LMBRD1: variants seen among roughly 807,000 people sequenced by gnomAD.
LMBRD1 encodes the protein LMBR1 domain containing 1.
A neutral mutation model predicts 74.8 loss-of-function variants in LMBRD1; 64 were observed. The observed-to-expected ratio is 0.86, with a 90% CI of 0.70 to 1.05. The LOEUF (loss-of-function observed/expected upper bound fraction) is 1.05, where lower values mean the gene tolerates loss of function less well. Among genes scored for constraint, LMBRD1 ranks in the 50% least tolerant of loss-of-function variants. The pLI is 0.00. For synonymous variants in LMBRD1, 204 were observed against 216.3 expected (o/e 0.94, Z 0.50); for missense variants, 652 against 645.9 (o/e 1.01, Z -0.10).
chr6:69,718,623 G>A (rs1016126194), intron 8 of LMBRD1, among the ~76,000 whole-genome samples: 2 of 152,058 alleles, frequency 1.3e-5, no homozygotes, highest in African/African-American at 2.4e-5. Context: ...TTCATGTGGC[G>A]GCAGGAAGGA....
At chr6:69,723,745 T>A (rs1766667104) in intron 7 of LMBRD1, among the ~76,000 whole-genome samples, 1 of 151,444 alleles carries the variant, frequency 6.6e-6, no homozygotes, top group African/African-American at 2.4e-5. Flanking sequence ...AATACTGTAA[T>A]GACGCATTTT....
At chr6:69,751,524 G>A (rs912358870) in intron 4 of LMBRD1, among the ~76,000 whole-genome samples, 1 of 152,036 alleles carries the variant, frequency 6.6e-6, no homozygotes, top group African/African-American at 2.4e-5. Flanking sequence ...ACAAGGTTTC[G>A]CCATGTTGGC....
chr6:69,732,733 A>G (rs1766886740), intron 7 of LMBRD1, among the ~76,000 whole-genome samples: 1 of 152,132 alleles, frequency 6.6e-6, no homozygotes, highest in African/African-American at 2.4e-5. Flanking sequence ...AGTTTTATGG[A>G]TAGAGGTATA....
At chr6:69,744,988 G>A (rs557143446) in intron 5 of LMBRD1, among the ~76,000 whole-genome samples, 11 of 151,690 alleles carry the variant, frequency 7.3e-5, no homozygotes, top group East Asian at 3.9e-4. Context: ...GATTACAGGC[G>A]CGCACCACTA....
At position 69,701,585 on chromosome 6, in the gene LMBRD1, T is replaced by G. The variant is rs758289173; in HGVS notation, c.981-40A>C. 1.9e-5 allele frequency: 24 copies of G among 1,241,940 alleles called. No individual in the cohort carries two copies. In the East Asian group the frequency reaches 5.4e-4, roughly 28 times the overall value. The allele number at this position is 1,241,940 out of a possible 1,614,324, so 76.9% of individuals were successfully genotyped here. On this transcript the variant is annotated intron_variant, in intron 10 of 15. Coordinates refer to ENST00000649934, the MANE Select transcript of LMBRD1 (RefSeq NM_018368.4). ...AAAGAATGAAATTTATGTTATACTA[T>G]CAAATTTTCAGCAAATTTAGAAAAA...
At chr6:69,691,147 C>CTTTTT (rs67075550) in intron 14 of LMBRD1, among the ~76,000 whole-genome samples, 1 of 138,524 alleles carries the variant, frequency 7.2e-6, no homozygotes, top group African/African-American at 2.8e-5. Context: ...GCCTCTCTCT[C>CTTTTT]TCTTTTTTTT....
At chr6:69,743,300 G>A (rs191683592) in intron 5 of LMBRD1, among the ~76,000 whole-genome samples, 23 of 152,188 alleles carry the variant, frequency 1.5e-4, no homozygotes, top group African/African-American at 4.6e-4. Context: ...AAAGAAATAC[G>A]TATTAGGATA....
chr6:69,769,473 A>T (rs1765534857), intron 3 of LMBRD1, among the ~76,000 whole-genome samples: 1 of 152,152 alleles, frequency 6.6e-6, no homozygotes, highest in Non-Finnish European at 1.5e-5. Context: ...TTGTCTGCTA[A>T]ATCTAACATC....
rs112709680 is a variant in LMBRD1 at position 69,712,173 on chromosome 6, T to C, written c.915+1472A>G. 3.6e-3 allele frequency among the ~76,000 whole-genome samples: 545 copies of C among 152,246 alleles called. 2 individuals are homozygous for C. Among genetic ancestry groups the C allele is most frequent in the Admixed American group, 7.9e-3 (121 of 15,270 alleles). On this transcript the variant is annotated intron_variant, in intron 9 of 15. Transcript: ENST00000649934. ...CTATTGTATACAAAGGTCTGGTGTT[T>C]GAAATGCTTCCAGATATACAATGAG...
At position 69,790,445 on chromosome 6, in the gene LMBRD1, C is replaced by A; in HGVS notation, c.97G>T (p.Val33Phe). The A allele has an allele frequency of 6.2e-7, 1 of 1,614,022 alleles. No homozygotes were observed. The highest frequency in any genetic ancestry group is 1.7e-5 in the Admixed American group (1 of 60,014). Reference protein sequence around the residue: ...LAILAFCWIYVRKYQSRRESE... With the variant: ...LAILAFCWIYFRKYQSRRESE... ...TCCCGCCGACTTTGGTATTTACGAA[C>A]ATATATCCAGCAGAATGCCAAAATA... The change falls in exon 2 of 16, where the codon GTT becomes TTT. Residue 33 changes from valine to phenylalanine, a missense_variant. By Grantham distance (50) the Val-to-Phe change is conservative. Around this residue, in one of 3 missense-constraint regions of LMBRD1, gnomAD observed 598 missense variants for 581.8 expected, o/e 1.03. Transcript: ENST00000649934.
intron 3 of LMBRD1, among the ~76,000 whole-genome samples, chr6:69,769,446 T>C (rs146488517): frequency 2.0e-5 from 3 of 152,326 alleles, no homozygotes; most frequent in East Asian, 3.9e-4. Flanking sequence ...TGATTTACAA[T>C]AGCTGCTTTG....
chr6:69,774,122 G>A (rs1765635242), intron 3 of LMBRD1, among the ~76,000 whole-genome samples: 1 of 152,144 alleles, frequency 6.6e-6, no homozygotes, highest in Non-Finnish European at 1.5e-5. Flanking sequence ...GGAAAGTAAT[G>A]GAATCATGGG....
At chr6:69,778,405 C>A (rs917722765) in intron 3 of LMBRD1, among the ~76,000 whole-genome samples, 3 of 152,164 alleles carry the variant, frequency 2.0e-5, no homozygotes, top group African/African-American at 4.8e-5. Context: ...TTACAAAATT[C>A]TTTTCTGTGG....
Position 69,676,290 on chromosome 6 carries a change from C to T in LMBRD1, c.1510-19G>A, listed in dbSNP as rs1484305691. On this transcript the variant is annotated intron_variant, in intron 15 of 15. Coordinates refer to ENST00000649934, the MANE Select transcript of LMBRD1 (RefSeq NM_018368.4). ...AAAATACCTGTAAATTTAAATAAGC[C>T]ATGTGTTATTTTTCAAATTTAAAAT... 2 of 1,608,476 alleles carry T rather than the reference C, an allele frequency of 1.2e-6. No individual in the cohort carries two copies. The highest frequency in any genetic ancestry group is 1.7e-6 in the Non-Finnish European group (2 of 1,176,588).
intron 3 of LMBRD1, among the ~76,000 whole-genome samples, chr6:69,770,417 T>C (rs148938680): frequency 3.3e-5 from 5 of 152,354 alleles, no homozygotes; most frequent in Admixed American, 6.5e-5. Flanking sequence ...ATGTCTTTCA[T>C]TGATTGCTAA....
intron 3 of LMBRD1, among the ~76,000 whole-genome samples, chr6:69,757,778 CTCATA>C (rs1246055286): frequency 6.6e-6 from 1 of 152,146 alleles, no homozygotes; most frequent in Admixed American, 6.5e-5. Context: ...TTATGACACT[CTCATA>C]TCCTAACATC....
Position 69,684,327 on chromosome 6 carries a change from TACAA to T in LMBRD1, c.1418-7790_1418-7787del, listed in dbSNP as rs774813005. 3.8e-4 allele frequency among the ~76,000 whole-genome samples: 57 copies of T among 151,266 alleles called. 1 individual carries two copies. Among genetic ancestry groups the T allele is most frequent in the Admixed American group, 1.3e-3 (19 of 15,196 alleles). On this transcript the variant is annotated intron_variant, in intron 14 of 15. Transcript: ENST00000649934. ...GGCAGAAAATATGAAAATGAGATAA[TACAA>T]ACAATCAATTGAAGATATTCAATAA...
chr6:69,728,486 C>T (rs925174168), intron 7 of LMBRD1, among the ~76,000 whole-genome samples: 1 of 152,190 alleles, frequency 6.6e-6, no homozygotes, highest in African/African-American at 2.4e-5. Flanking sequence ...TCCCCTCAAC[C>T]ACCTCCAATC....
chr6:69,795,033 G>A (rs532408120), intron 1 of LMBRD1, among the ~76,000 whole-genome samples: 1 of 152,236 alleles, frequency 6.6e-6, no homozygotes, highest in African/African-American at 2.4e-5. Flanking sequence ...TCTGAAAAAC[G>A]CTCCTCTGTT....
Sources: gnomAD v4.1 joint callset for allele counts (sites outside exome capture counted in the v4.1 genomes callset) on GRCh38, gnomAD v4.1.1 for gene constraint, gnomAD v4.1.1 regional missense constraint, MANE v1.5 for transcripts, NCBI Gene and HGNC (gene_info 2026-07-23, HGNC 2026-07-21) for gene names.